The following TTLL3 variants were observed in gnomAD, a reference collection of about 807,000 sequenced individuals.
TTLL3 encodes the protein tubulin monoglycylase TTLL3.
TTLL3 carries 63 observed loss-of-function variants against 75.2 expected under a neutral mutation model. The ratio of observed to expected loss-of-function variants is 0.84; its 90% CI spans 0.68 to 1.03. The LOEUF is 1.03. Among genes scored for constraint, TTLL3 ranks in the 50% least tolerant of loss-of-function variants. The pLI is 0.00. For synonymous variants in TTLL3, 393 were observed against 418.5 expected, an observed-to-expected ratio of 0.94 and a Z score of 0.74; for missense variants, 997 against 1,069.9, an observed-to-expected ratio of 0.93 and a Z score of 0.95.
Position 9,810,805 on chromosome 3 carries a change from A to G in TTLL3, c.48+96A>G, listed in dbSNP as rs1331227111. 2.9e-5 allele frequency: 35 copies of G among 1,214,140 alleles called. No individual in the cohort carries two copies. In the Middle Eastern group the frequency reaches 8.6e-4, roughly 30 times the overall value. 75.2% of individuals were successfully genotyped at this position (1,214,140 alleles called of 1,614,324 possible). On this transcript the variant is annotated intron_variant, in intron 2 of 13. Coordinates refer to ENST00000685419, the MANE Select transcript of TTLL3 (RefSeq NM_001387446.1). This position sits in a 1 kb window ranked among gnomAD's most constrained non-coding sequence, Gnocchi z 4.4. ...CTTATATCCTTAAAAAACAAAAGCAAAAGAAAAAACAATAGCAAAAATCCT... is the reference window on the plus strand; with the variant it reads ...CTTATATCCTTAAAAAACAAAAGCAGAAGAAAAAACAATAGCAAAAATCCT...
At position 9,828,005 on chromosome 3, in the gene TTLL3, G is replaced by A. The variant is rs574647908; in HGVS notation, c.1247+765G>A. 3 of 152,218 alleles carry A rather than the reference G, an allele frequency of 2.0e-5. No individual in the cohort carries two copies. The South Asian group carries it at 6.2e-4, about 32-fold the overall frequency. The allele number at this position is 152,218 out of a possible 1,614,324, so 9.4% of individuals were successfully genotyped here. On this transcript the variant is annotated intron_variant, in intron 10 of 13. Coordinates refer to ENST00000685419, the MANE Select transcript of TTLL3 (RefSeq NM_001387446.1). ...AAAAATATAAAAATTAGCCGGGCGT[G>A]TTGGCGGGCGCCAGTAGTCCCAGCT...
At chr3:9,819,058 A>T in intron 7 of TTLL3, 138 bp downstream of exon 7, 1 of 1,114,146 alleles carries the variant, frequency 9.0e-7, no homozygotes, top group Non-Finnish European at 1.3e-6. Flanking sequence ...ATTCACATCT[A>T]CCCATCTATC....
intron 4 of TTLL3, among the ~76,000 whole-genome samples, chr3:9,813,821 C>T (rs571714720): frequency 6.6e-6 from 1 of 152,158 alleles, no homozygotes; most frequent in East Asian, 1.9e-4. Context: ...TAGATAGGCC[C>T]ACAGAGTGGG....
At chr3:9,831,722 A>T (rs1281890822) in intron 11 of TTLL3, among the ~76,000 whole-genome samples, 1 of 151,564 alleles carries the variant, frequency 6.6e-6, no homozygotes, top group Non-Finnish European at 1.5e-5. Flanking sequence ...ATTAGCTGAG[A>T]TTCTTCTGTA....
chr3:9,832,697 G>A (rs1166908140), intron 11 of TTLL3, among the ~76,000 whole-genome samples: 1 of 152,132 alleles, frequency 6.6e-6, no homozygotes, highest in Non-Finnish European at 1.5e-5. Flanking sequence ...TTCACACGAG[G>A]CTCTAGGCAG....
chr3:9,809,990 A>ATCAGGGGCCCTGGGAGGGCGC, upstream of TTLL3: 2 of 280,712 alleles, frequency 7.1e-6, no homozygotes, highest in South Asian at 1.0e-4. Flanking sequence ...TGGGAGGGCG[A>ATCAGGGGCCCTGGGAGGGCGC]GCGCGGCGAG....
Position 9,815,108 on chromosome 3 carries a change from C to T in TTLL3, c.316-966C>T, listed in dbSNP as rs1003277976. Among the ~76,000 whole-genome samples the T allele has an allele frequency of 4.0e-5, 6 of 151,888 alleles. No individual in the cohort carries two copies. In the East Asian group the frequency reaches 7.8e-4, roughly 20 times the overall value. ...CAAAAAAATTAGCTGGGCCTGGTGG[C>T]GCACACCTGTAATCCCAGCTACTAG... On this transcript the variant is annotated intron_variant, in intron 4 of 13. Transcript: ENST00000685419.
At chr3:9,830,605 T>G (rs1055040535) in intron 11 of TTLL3, among the ~76,000 whole-genome samples, 11 of 152,064 alleles carry the variant, frequency 7.2e-5, no homozygotes, top group African/African-American at 2.4e-4. Context: ...AACGGGGAAA[T>G]ACATGGGCAG....
At chr3:9,830,118 C>T (rs2081385721) in intron 11 of TTLL3, among the ~76,000 whole-genome samples, 1 of 152,186 alleles carries the variant, frequency 6.6e-6, no homozygotes, top group Admixed American at 6.5e-5. Flanking sequence ...GCTGGGATTA[C>T]AGGCAGAAGC....
chr3:9,816,247 C>T, intron 5 of TTLL3, 45 bp downstream of exon 5: 2 of 1,320,984 alleles, frequency 1.5e-6, no homozygotes, highest in Non-Finnish European at 2.0e-6. Flanking sequence ...CGACCCCCTG[C>T]CCTTGGGCTG....
At chr3:9,819,049 T>G in intron 7 of TTLL3, 129 bp downstream of exon 7, 2 of 1,196,150 alleles carry the variant, frequency 1.7e-6, no homozygotes, top group Non-Finnish European at 2.4e-6. Flanking sequence ...CTGTGTATGA[T>G]TCACATCTAC....
At position 9,817,657 on chromosome 3, in the gene TTLL3, C is replaced by T. The variant is rs773777864; in HGVS notation, c.457C>T (p.Leu153Phe). The T allele has an allele frequency of 6.2e-7, 1 of 1,614,168 alleles. No homozygotes were observed. Among genetic ancestry groups the T allele is most frequent in the Non-Finnish European group, 8.5e-7 (1 of 1,180,040 alleles). The stretch of plus-strand genomic sequence containing the variant: ...GCTAACTCCGTAGGTGGGTCTATGT[C>T]TCAATCTCCGGAATTTGCCGTGGTT... ...GSFTTKVGLC[L>F]NLRNLPWFDE... Residue 153 changes from leucine to phenylalanine, a missense_variant, in exon 6 of 14, where the codon CTC becomes TTC. Transcript: ENST00000685419.
At position 9,835,503 on chromosome 3, in the gene TTLL3, T is replaced by A. The variant is rs769017607; in HGVS notation, c.*14T>A. On this transcript the variant is annotated 3_prime_UTR_variant, in exon 14 of 14. Transcript: ENST00000685419. ...GCAAGAGCCTGAGGCCATCAGCAGCTCCTCCGTGCAGCGAGGCCCAGAATT... is the reference window on the plus strand; with the variant it reads ...GCAAGAGCCTGAGGCCATCAGCAGCACCTCCGTGCAGCGAGGCCCAGAATT... The A allele has an allele frequency of 5.1e-6, 8 of 1,566,852 alleles. No homozygotes were observed. Among genetic ancestry groups the A allele is most frequent in the Non-Finnish European group, 6.9e-6 (8 of 1,158,984 alleles).
intron 8 of TTLL3, chr3:9,825,442 A>G (rs754898551): frequency 4.3e-5 from 14 of 322,058 alleles, no homozygotes; most frequent in Non-Finnish European, 8.0e-5. Context: ...CCCTTGTCAC[A>G]ATGCCTGGCA....
chr3:9,831,796 AT>A (rs35972221), intron 11 of TTLL3, among the ~76,000 whole-genome samples: 54,611 of 123,480 alleles, frequency 0.44, 12,297 homozygotes, highest in Non-Finnish European at 0.52. Flanking sequence ...TTTTTATTTG[AT>A]TTTTTTTTTT....
In TTLL3 at chr3:9,833,264, C is replaced by A; in HGVS notation, c.1825+19C>A. Reference sequence around the variant, plus strand: ...GGGGAAGGCAAGGACTCGGGGACCCCTACCCACAGGTCAGCTTCTAGGAAA... The same window carrying A: ...GGGGAAGGCAAGGACTCGGGGACCCATACCCACAGGTCAGCTTCTAGGAAA... On this transcript the variant is annotated intron_variant, in intron 12 of 13. Coordinates refer to ENST00000685419, the MANE Select transcript of TTLL3 (RefSeq NM_001387446.1). 6.2e-7 allele frequency: 1 copy of A among 1,612,792 alleles called. No individual in the cohort carries two copies. The highest frequency in any genetic ancestry group is 1.3e-5 in the African/African-American group (1 of 74,996).
chr3:9,825,181 C>T (rs2080905604), intron 8 of TTLL3, among the ~76,000 whole-genome samples: 1 of 152,028 alleles, frequency 6.6e-6, no homozygotes, highest in Non-Finnish European at 1.5e-5. Flanking sequence ...TAAGACCCAT[C>T]TCTGCAAAAA....
intron 13 of TTLL3, 58 bp downstream of exon 13, chr3:9,834,965 T>G: frequency 6.2e-7 from 1 of 1,612,978 alleles, no homozygotes; most frequent in Non-Finnish European, 8.5e-7. Context: ...GGGTCAGGGC[T>G]GGAGGGCACA....
chr3:9,814,248 A>C (rs2079609359), intron 4 of TTLL3, among the ~76,000 whole-genome samples: 1 of 152,226 alleles, frequency 6.6e-6, no homozygotes, highest in African/African-American at 2.4e-5. Context: ...AGGCAGGAGA[A>C]TCACTTGAAC....
Sources: allele counts gnomAD v4.1 joint callset (sites outside exome capture counted in the v4.1 genomes callset), GRCh38; gene constraint gnomAD v4.1.1; non-coding constraint Gnocchi (gnomAD v3.1); transcripts MANE v1.5; gene names NCBI Gene and HGNC (gene_info 2026-07-23, HGNC 2026-07-21).